The following CLSTN2 variants were observed in gnomAD, a reference collection of about 807,000 sequenced individuals.
CLSTN2 encodes the protein calsyntenin-2.
Under a neutral mutation model 101.2 loss-of-function variants are expected in CLSTN2, and 48 were observed. The ratio of observed to expected loss-of-function variants is 0.47; its 90% CI spans 0.38 to 0.60. The LOEUF is 0.60. Ranked by LOEUF, CLSTN2 falls within the 20% of genes least tolerant of loss-of-function variation. The probability of loss-of-function intolerance (pLI) is 0.00; values close to 1 mark genes in which losing one functional copy is unlikely to be tolerated. For missense variants in CLSTN2, 1,160 were observed against 1,238.2 expected (o/e 0.94, Z 0.95); for synonymous variants, 481 against 463.6 (o/e 1.04, Z -0.48).
intron 2 of CLSTN2, among the ~76,000 whole-genome samples, chr3:140,289,095 G>A (rs560220255): frequency 2.6e-5 from 4 of 152,174 alleles, no homozygotes; most frequent in Admixed American, 6.5e-5. Flanking sequence ...GGTAGCCCCA[G>A]TGTAGCTAAT....
At chr3:140,157,225 C>T (rs1468405344) in intron 1 of CLSTN2, among the ~76,000 whole-genome samples, 1 of 151,570 alleles carries the variant, frequency 6.6e-6, no homozygotes, top group African/African-American at 2.4e-5. Flanking sequence ...CATTGTGTCT[C>T]TTCCAGATTT....
intron 1 of CLSTN2, among the ~76,000 whole-genome samples, chr3:140,103,943 G>A (rs2009010473): frequency 1.3e-5 from 2 of 152,206 alleles, no homozygotes; most frequent in African/African-American, 4.8e-5. Context: ...GATCTCCAGA[G>A]AACTAGGACA....
chr3:140,514,745 A>G (rs1934883848), intron 8 of CLSTN2, among the ~76,000 whole-genome samples: 2 of 152,218 alleles, frequency 1.3e-5, no homozygotes, highest in Admixed American at 6.5e-5. Context: ...TATTCCCACC[A>G]GCAGTATAAA....
intron 2 of CLSTN2, among the ~76,000 whole-genome samples, chr3:140,375,015 G>A (rs2087901060): frequency 6.6e-6 from 1 of 152,182 alleles, no homozygotes; most frequent in African/African-American, 2.4e-5. Context: ...GCTCACCTAG[G>A]AGCCAATGTG....
chr3:140,380,225 G>A (rs1427295493), intron 2 of CLSTN2, among the ~76,000 whole-genome samples: 1 of 152,222 alleles, frequency 6.6e-6, no homozygotes, highest in Non-Finnish European at 1.5e-5. Flanking sequence ...GCAGTTGGGA[G>A]TGTGTGTCTG....
chr3:140,033,257 G>A (rs895223783), intron 1 of CLSTN2, among the ~76,000 whole-genome samples: 2 of 152,146 alleles, frequency 1.3e-5, no homozygotes, highest in Admixed American at 6.5e-5. Context: ...GGATCAACCC[G>A]CTTCATTAGG....
intron 1 of CLSTN2, among the ~76,000 whole-genome samples, chr3:140,024,963 T>C (rs1458968050): frequency 6.6e-6 from 1 of 152,216 alleles, no homozygotes; most frequent in Non-Finnish European, 1.5e-5. Context: ...AATAGTTATA[T>C]ACAAAGGTAT....
intron 1 of CLSTN2, among the ~76,000 whole-genome samples, chr3:140,064,879 C>G (rs1457378634): frequency 6.6e-6 from 1 of 151,578 alleles, no homozygotes; most frequent in South Asian, 2.1e-4. Flanking sequence ...ATCAAAAGCA[C>G]AAAGATTAAA....
intron 2 of CLSTN2, among the ~76,000 whole-genome samples, chr3:140,349,007 C>A (rs187111936): frequency 2.6e-5 from 4 of 152,328 alleles, no homozygotes; most frequent in African/African-American, 7.2e-5. Flanking sequence ...CAAATTGTAA[C>A]CCCCACATGT....
chr3:140,482,969 T>C (rs1416456015), intron 8 of CLSTN2, among the ~76,000 whole-genome samples: 2 of 152,242 alleles, frequency 1.3e-5, no homozygotes, highest in Non-Finnish European at 2.9e-5. Flanking sequence ...CTTAGTTATT[T>C]CTTGCCTTCT....
intron 1 of CLSTN2, among the ~76,000 whole-genome samples, chr3:140,157,201 G>GT (rs58387930): frequency 0.12 from 18,195 of 149,824 alleles, 3,576 homozygotes; most frequent in African/African-American, 0.41. Context: ...TGGCCTAAAG[G>GT]TTTTTTTTTT....
chr3:140,055,474 T>C (rs1248663032), intron 1 of CLSTN2, among the ~76,000 whole-genome samples: 2 of 152,204 alleles, frequency 1.3e-5, no homozygotes, highest in African/African-American at 4.8e-5. Flanking sequence ...CATTCGAGTT[T>C]TGCCACTCAT....
intron 1 of CLSTN2, among the ~76,000 whole-genome samples, chr3:139,997,320 T>C (rs1168513921): frequency 2.3e-5 from 3 of 133,102 alleles, no homozygotes; most frequent in African/African-American, 8.6e-5. Flanking sequence ...GCAGTAATTT[T>C]CTGCTCATTC....
chr3:140,359,288 A>T (rs190857604), intron 2 of CLSTN2, among the ~76,000 whole-genome samples: 12 of 152,322 alleles, frequency 7.9e-5, no homozygotes, highest in Admixed American at 2.0e-4. Context: ...GAGTGAATGA[A>T]CAAAAACGTT....
intron 1 of CLSTN2, among the ~76,000 whole-genome samples, chr3:139,946,573 A>T (rs1033076639): frequency 4.6e-5 from 7 of 152,174 alleles, no homozygotes; most frequent in African/African-American, 1.7e-4. Context: ...AAGGATCTGC[A>T]GGGAGGTAGG....
chr3:140,016,793 GAAAAAAAAAAAAA>G (rs56040791), intron 1 of CLSTN2, among the ~76,000 whole-genome samples: 2 of 89,284 alleles, frequency 2.2e-5, no homozygotes, highest in African/African-American at 9.3e-5. Flanking sequence ...GTGAGACTCT[GAAAAAAAAAAAAA>G]AAAAAAAAGA....
At chr3:140,181,718 AC>A (rs1473081405) in intron 2 of CLSTN2, among the ~76,000 whole-genome samples, 4 of 152,160 alleles carry the variant, frequency 2.6e-5, no homozygotes, top group Admixed American at 2.0e-4. Context: ...TTACACACAC[AC>A]ACACACACTT....
At chr3:140,439,955 C>T (rs1022830755) in intron 5 of CLSTN2, among the ~76,000 whole-genome samples, 1 of 152,204 alleles carries the variant, frequency 6.6e-6, no homozygotes, top group Non-Finnish European at 1.5e-5. Flanking sequence ...CATCTGCTCA[C>T]TCATTTCATA....
intron 10 of CLSTN2, among the ~76,000 whole-genome samples, chr3:140,553,025 T>TCTAAG (rs1935734433): frequency 2.0e-5 from 3 of 152,228 alleles, no homozygotes; most frequent in Admixed American, 2.0e-4. Context: ...GAATAAGCAC[T>TCTAAG]CTAAGCTGGT....
Sources: gnomAD v4.1 joint callset for allele counts (sites outside exome capture counted in the v4.1 genomes callset) on GRCh38, gnomAD v4.1.1 for gene constraint, MANE v1.5 for transcripts, NCBI Gene and HGNC (gene_info 2026-07-23, HGNC 2026-07-21) for gene names.